Variants in SYT1 observed in about 807,000 individuals in gnomAD.
The protein encoded by SYT1 is synaptotagmin 1.
Under a neutral mutation model 44.8 loss-of-function variants are expected in SYT1, and 8 were observed. The ratio of observed to expected loss-of-function variants is 0.18; its 90% CI spans 0.10 to 0.32. SYT1 has a LOEUF of 0.32. Ranked by LOEUF, SYT1 falls within the 10% of genes least tolerant of loss-of-function variation. The pLI is 1.00. For synonymous variants in SYT1, 154 were observed against 188.8 expected, an observed-to-expected ratio of 0.82 and a Z score of 1.51; for missense variants, 286 against 509.3, an observed-to-expected ratio of 0.56 and a Z score of 4.22.
Position 79,048,348 on chromosome 12 carries a change from T to A in SYT1, c.-18+986T>A, listed in dbSNP as rs187910572. On this transcript the variant is annotated intron_variant, in intron 3 of 10. Transcript: ENST00000261205. Reference sequence around the variant, plus strand: ...ATTATTCCTGCATAATAACATTTTTTAGCCCCAAAGAACTTTGATGCATAA... The same window carrying A: ...ATTATTCCTGCATAATAACATTTTTAAGCCCCAAAGAACTTTGATGCATAA... Among the ~76,000 whole-genome samples, 101 of 151,990 alleles carry A rather than the reference T, an allele frequency of 6.6e-4. 1 individual carries two copies. The highest frequency in any genetic ancestry group is 2.3e-3 in the African/African-American group (97 of 41,562).
At chr12:79,367,069 G>A (rs1378314622) in intron 9 of SYT1, among the ~76,000 whole-genome samples, 1 of 152,000 alleles carries the variant, frequency 6.6e-6, no homozygotes, top group African/African-American at 2.4e-5. Context: ...ACAAGACCCA[G>A]CATATTTTAT....
At chr12:79,226,046 T>G (rs1875499532) in intron 4 of SYT1, among the ~76,000 whole-genome samples, 1 of 152,212 alleles carries the variant, frequency 6.6e-6, no homozygotes, top group Admixed American at 6.5e-5. Context: ...CTAGCACATA[T>G]GAGGCACTAA....
intron 4 of SYT1, among the ~76,000 whole-genome samples, chr12:79,279,647 T>C: frequency 6.6e-6 from 1 of 152,038 alleles, no homozygotes. Context: ...ACTGGAGGTC[T>C]TAGCCAGAAC....
chr12:79,294,364 G>A (rs1879778531), intron 6 of SYT1, among the ~76,000 whole-genome samples: 1 of 151,990 alleles, frequency 6.6e-6, no homozygotes, highest in African/African-American at 2.4e-5. Flanking sequence ...AATGTTCTCA[G>A]TTAATTTGAT....
At chr12:79,280,996 A>T (rs1205349101) in intron 4 of SYT1, among the ~76,000 whole-genome samples, 2 of 151,930 alleles carry the variant, frequency 1.3e-5, no homozygotes, top group Non-Finnish European at 2.9e-5. Context: ...AAAAAAAAAA[A>T]AAATAGATAC....
intron 9 of SYT1, among the ~76,000 whole-genome samples, chr12:79,406,805 A>G (rs1404013496): frequency 1.3e-5 from 2 of 152,148 alleles, no homozygotes; most frequent in Admixed American, 1.3e-4. Flanking sequence ...TGTAGTGAGA[A>G]AGAAAGTGAG....
rs74110311 is a variant in SYT1 at position 79,274,472 on chromosome 12, A to G, written c.167-11315A>G. Reference sequence around the variant, plus strand: ...CTGTGCAGACTGTTTTGTGCAGCAGAAATGGTTCCACTCCTCTCTGGAACA... The same window carrying G: ...CTGTGCAGACTGTTTTGTGCAGCAGGAATGGTTCCACTCCTCTCTGGAACA... On this transcript the variant is annotated intron_variant, in intron 4 of 10. Transcript: ENST00000261205. Among the ~76,000 whole-genome samples the G allele has an allele frequency of 4.2e-3, 639 of 152,290 alleles. 8 individuals are homozygous for G. The highest frequency in any genetic ancestry group is 0.015 in the African/African-American group (621 of 41,568).
At position 79,426,187 on chromosome 12, in the gene SYT1, C is replaced by T. The variant is rs547966164; in HGVS notation, c.929-17886C>T. On this transcript the variant is annotated intron_variant, in intron 9 of 10. Transcript: ENST00000261205. ...AGAACTCTGACTCTGCCCAACAATTCCACTAAATTAATTCACTCTGCACTC... is the reference window on the plus strand; with the variant it reads ...AGAACTCTGACTCTGCCCAACAATTTCACTAAATTAATTCACTCTGCACTC... 5.3e-5 allele frequency among the ~76,000 whole-genome samples: 8 copies of T among 152,180 alleles called. No homozygotes were observed. The South Asian group carries it at 1.2e-3, about 24-fold the overall frequency.
chr12:79,233,198 T>A (rs1875973523), intron 4 of SYT1, among the ~76,000 whole-genome samples: 1 of 152,236 alleles, frequency 6.6e-6, no homozygotes, highest in Non-Finnish European at 1.5e-5. Flanking sequence ...CCAAGCATGT[T>A]TATTCCAAGT....
intron 4 of SYT1, among the ~76,000 whole-genome samples, chr12:79,277,304 G>A (rs148697634): frequency 6.6e-6 from 1 of 152,160 alleles, no homozygotes; most frequent in Non-Finnish European, 1.5e-5. Context: ...AAACCTATTA[G>A]ACTAACAGCA....
Position 79,084,605 on chromosome 12 carries a change from A to G in SYT1, c.-18+37243A>G, listed in dbSNP as rs191189500. ...ATATGACAGCTTAAAAACATTTGAG[A>G]ACCATAATTCTACACTACATGCTCT... is the stretch of plus-strand genomic sequence containing the variant. On this transcript the variant is annotated intron_variant, in intron 3 of 10. Coordinates refer to ENST00000261205, the MANE Select transcript of SYT1 (RefSeq NM_005639.3). Among the ~76,000 whole-genome samples the G allele has an allele frequency of 1.6e-3, 239 of 152,248 alleles. 1 individual carries two copies. Among genetic ancestry groups the G allele is most frequent in the Middle Eastern group, 3.4e-3 (1 of 294 alleles).
At chr12:79,075,881 A>T (rs1275227741) in intron 3 of SYT1, among the ~76,000 whole-genome samples, 1 of 152,178 alleles carries the variant, frequency 6.6e-6, no homozygotes, top group Non-Finnish European at 1.5e-5. Context: ...TATATATTAG[A>T]TGATTATAAA....
chr12:78,935,972 G>A (rs1878031323), intron 1 of SYT1, among the ~76,000 whole-genome samples: 1 of 152,014 alleles, frequency 6.6e-6, no homozygotes, highest in Non-Finnish European at 1.5e-5. Flanking sequence ...CAAGTACAAA[G>A]AGTTCATTTT....
chr12:79,204,761 C>T (rs1873998834), intron 3 of SYT1, among the ~76,000 whole-genome samples: 2 of 142,178 alleles, frequency 1.4e-5, no homozygotes, highest in South Asian at 4.5e-4. Context: ...AAAAGAGAGA[C>T]TTTGCTCCTG....
At chr12:79,243,996 T>C (rs1222267894) in intron 4 of SYT1, among the ~76,000 whole-genome samples, 15 of 152,204 alleles carry the variant, frequency 9.9e-5, no homozygotes, top group African/African-American at 4.8e-5. Flanking sequence ...AGCATAATCC[T>C]GTATACTCTA....
chr12:79,179,193 T>G (rs867644237), intron 3 of SYT1, among the ~76,000 whole-genome samples: 4 of 69,472 alleles, frequency 5.8e-5, no homozygotes, highest in African/African-American at 3.3e-4. Context: ...GATATAGATA[T>G]AGATATATAG....
At chr12:79,178,116 C>G (rs1872012894) in intron 3 of SYT1, among the ~76,000 whole-genome samples, 1 of 152,090 alleles carries the variant, frequency 6.6e-6, no homozygotes, top group South Asian at 2.1e-4. Context: ...CTATTCTTAT[C>G]ATTAATATTC....
chr12:79,279,543 C>T (rs1878927681), intron 4 of SYT1, among the ~76,000 whole-genome samples: 2 of 151,934 alleles, frequency 1.3e-5, no homozygotes, highest in Non-Finnish European at 2.9e-5. Context: ...CCATAGCCAA[C>T]ATCATACTGA....
rs1565903825 is a variant in SYT1, at chr12:79,312,714, GCTT to G, written c.810+13167_810+13169del. On this transcript the variant is annotated intron_variant, in intron 8 of 10. Coordinates refer to ENST00000261205, the MANE Select transcript of SYT1 (RefSeq NM_005639.3). ...ATTTTTTCCTTTTTTCTTCAGAGCT[GCTT>G]CTTATTTTGGCACCACTTTTTTCTT... Among the ~76,000 whole-genome samples the G allele has an allele frequency of 3.4e-5, 5 of 148,008 alleles. No individual in the cohort carries two copies. In the South Asian group the frequency reaches 1.1e-3, roughly 31 times the overall value.
Sources: gnomAD v4.1 joint callset for allele counts (sites outside exome capture counted in the v4.1 genomes callset) on GRCh38, gnomAD v4.1.1 for gene constraint, MANE v1.5 for transcripts, NCBI Gene and HGNC (gene_info 2026-07-23, HGNC 2026-07-21) for gene names.